The following LRRC7 variants were observed in gnomAD, a reference collection of about 807,000 sequenced individuals.
LRRC7 encodes the protein leucine-rich repeat-containing protein 7.
A neutral mutation model predicts 175.7 loss-of-function variants in LRRC7; 23 were observed. The ratio of observed to expected loss-of-function variants is 0.13; its 90% CI spans 0.09 to 0.19. LRRC7 has a LOEUF of 0.19. LRRC7 is among the 10% of genes least tolerant of loss of function. The pLI is 1.00. For missense variants in LRRC7, 1,354 were observed against 1,904.7 expected (o/e 0.71, Z 5.38); for synonymous variants, 685 against 680.9 (o/e 1.01, Z -0.09).
At chr1:69,756,026 A>T (rs1307146774) in intron 2 of LRRC7, among the ~76,000 whole-genome samples, 1 of 151,984 alleles carries the variant, frequency 6.6e-6, no homozygotes, top group African/African-American at 2.4e-5. Context: ...AAGGGGAAAA[A>T]GACAGAAAAT....
At chr1:69,698,632 G>A (rs781527614) in intron 2 of LRRC7, among the ~76,000 whole-genome samples, 2 of 152,134 alleles carry the variant, frequency 1.3e-5, no homozygotes, top group African/African-American at 2.4e-5. Flanking sequence ...TTCTATTCTA[G>A]ACATCCCAGT....
At chr1:69,995,750 T>C (rs1557969555) in intron 11 of LRRC7, among the ~76,000 whole-genome samples, 1 of 152,164 alleles carries the variant, frequency 6.6e-6, no homozygotes, top group Non-Finnish European at 1.5e-5. Flanking sequence ...TTTTTATGGC[T>C]GCATAGTATT....
At chr1:69,599,574 G>T (rs1438413971) in intron 1 of LRRC7, among the ~76,000 whole-genome samples, 1 of 152,186 alleles carries the variant, frequency 6.6e-6, no homozygotes, top group Non-Finnish European at 1.5e-5. Flanking sequence ...GGAGTCACAT[G>T]TGACAAATTA....
chr1:69,844,519 C>T (rs1350620696), intron 7 of LRRC7, among the ~76,000 whole-genome samples: 1 of 152,086 alleles, frequency 6.6e-6, no homozygotes, highest in Admixed American at 6.6e-5. Context: ...GGATTTCCTT[C>T]TTTTCTAACG....
At chr1:69,924,271 G>A (rs1213710992) in intron 7 of LRRC7, among the ~76,000 whole-genome samples, 2 of 152,082 alleles carry the variant, frequency 1.3e-5, no homozygotes, top group African/African-American at 2.4e-5. Context: ...GCTTAGGATT[G>A]CCTTGGCGAT....
intron 1 of LRRC7, among the ~76,000 whole-genome samples, chr1:69,619,055 T>C (rs1650133966): frequency 6.6e-6 from 1 of 152,116 alleles, no homozygotes; most frequent in Admixed American, 6.6e-5. Context: ...TTCTGAATCA[T>C]GTCTCAGTCC....
intron 1 of LRRC7, among the ~76,000 whole-genome samples, chr1:69,581,400 ATTGGAT>A (rs1185622958): frequency 6.6e-6 from 1 of 152,206 alleles, no homozygotes; most frequent in Non-Finnish European, 1.5e-5. Flanking sequence ...TGTAGAAGGT[ATTGGAT>A]TCACTGCTGA....
intron 24 of LRRC7, among the ~76,000 whole-genome samples, chr1:70,083,435 G>A (rs1165570440): frequency 6.6e-6 from 1 of 152,140 alleles, no homozygotes; most frequent in South Asian, 2.1e-4. Context: ...GGAGCTAAAA[G>A]TAGCAGTAAC....
chr1:70,083,766 C>T (rs530535039), intron 24 of LRRC7, among the ~76,000 whole-genome samples: 1 of 152,252 alleles, frequency 6.6e-6, no homozygotes, highest in East Asian at 1.9e-4. Context: ...TTTGATATGA[C>T]CAAACGTCCT....
chr1:69,981,729 T>G (rs1653452284), intron 9 of LRRC7, among the ~76,000 whole-genome samples: 1 of 152,200 alleles, frequency 6.6e-6, no homozygotes, highest in Non-Finnish European at 1.5e-5. Flanking sequence ...CCAATCCCTG[T>G]GCAAAGATTG....
chr1:69,793,806 C>A (rs553526564), intron 4 of LRRC7, among the ~76,000 whole-genome samples: 1 of 152,002 alleles, frequency 6.6e-6, no homozygotes, highest in East Asian at 1.9e-4. Flanking sequence ...TTTAGGAGCC[C>A]AGTAAATATC....
chr1:69,872,556 C>T (rs1344507290), intron 7 of LRRC7, among the ~76,000 whole-genome samples: 2 of 151,954 alleles, frequency 1.3e-5, no homozygotes, highest in Admixed American at 6.6e-5. Context: ...TGAGCTATTG[C>T]TGTATCTAGA....
chr1:69,992,210 G>A (rs1654507098), intron 10 of LRRC7, among the ~76,000 whole-genome samples: 1 of 152,002 alleles, frequency 6.6e-6, no homozygotes, highest in African/African-American at 2.4e-5. Flanking sequence ...TTTGATGAGT[G>A]CACAACTATT....
chr1:69,676,277 T>A (rs942639575), intron 1 of LRRC7, among the ~76,000 whole-genome samples: 6 of 152,042 alleles, frequency 3.9e-5, no homozygotes, highest in Non-Finnish European at 8.8e-5. Context: ...ATGCTACTAA[T>A]CCTAGGAGAC....
At chr1:69,841,062 A>G (rs1681671535) in intron 7 of LRRC7, among the ~76,000 whole-genome samples, 1 of 151,990 alleles carries the variant, frequency 6.6e-6, no homozygotes, top group African/African-American at 2.4e-5. Flanking sequence ...GGAATTAAAG[A>G]GAAGCTAGAT....
At chr1:69,650,633 TA>T (rs1655695461) in intron 1 of LRRC7, among the ~76,000 whole-genome samples, 1 of 151,696 alleles carries the variant, frequency 6.6e-6, no homozygotes. Context: ...GCATGCATTA[TA>T]GGCTATCTGT....
chr1:69,591,677 A>G (rs79860624), intron 1 of LRRC7, among the ~76,000 whole-genome samples: 22,978 of 152,082 alleles, frequency 0.15, 1,917 homozygotes, highest in Admixed American at 0.19. Flanking sequence ...GAAATTCACC[A>G]GAAATCTAAT....
At chr1:69,716,424 G>T (rs1444886310) in intron 2 of LRRC7, among the ~76,000 whole-genome samples, 1 of 151,722 alleles carries the variant, frequency 6.6e-6, no homozygotes, top group African/African-American at 2.4e-5. Context: ...CAGTAATAAT[G>T]AAATTACTTT....
intron 2 of LRRC7, among the ~76,000 whole-genome samples, chr1:69,718,777 A>C (rs1184389203): frequency 6.6e-6 from 1 of 151,768 alleles, no homozygotes; most frequent in East Asian, 1.9e-4. Flanking sequence ...AAGAAACCAA[A>C]GAAGCCAAGA....
Sources: gnomAD v4.1 joint callset for allele counts (sites outside exome capture counted in the v4.1 genomes callset) on GRCh38, gnomAD v4.1.1 for gene constraint, MANE v1.5 for transcripts, NCBI Gene and HGNC (gene_info 2026-07-23, HGNC 2026-07-21) for gene names.